INPP5D: variants seen among roughly 807,000 people sequenced by gnomAD.
INPP5D encodes inositol polyphosphate-5-phosphatase D.
In INPP5D, 33 loss-of-function variants were observed where a neutral mutation model predicts 122.9. That is an observed-to-expected ratio of 0.27 (90% CI 0.20 to 0.36). The LOEUF (loss-of-function observed/expected upper bound fraction) is 0.36. Among genes scored for constraint, INPP5D ranks in the 10% least tolerant of loss-of-function variants. The pLI, the probability that INPP5D is intolerant of heterozygous loss-of-function variation, is 1.00. For missense variants in INPP5D, 1,053 were observed against 1,412.7 expected (o/e 0.75, Z 4.08); for synonymous variants, 584 against 576.2 (o/e 1.01, Z -0.19).
At chr2:233,071,820 T>C (rs1691390065) in intron 1 of INPP5D, among the ~76,000 whole-genome samples, 1 of 152,228 alleles carries the variant, frequency 6.6e-6, no homozygotes, top group Non-Finnish European at 1.5e-5. Context: ...TACAGGGAAG[T>C]TTTAGATTTT....
chr2:233,189,106 G>T lies in INPP5D; in HGVS notation c.2359-744G>T, dbSNP rs1490991848. 6.6e-6 allele frequency among the ~76,000 whole-genome samples: 1 copy of T among 152,200 alleles called. No individual in the cohort carries two copies. On this transcript the variant is annotated intron_variant, in intron 21 of 26. Transcript: ENST00000445964. This position sits in a 1 kb window ranked among gnomAD's most constrained non-coding sequence, Gnocchi z 5.6. ...GCGTGTGATGCTCCTCCCTGCACTT[G>T]CCCGGACACAGCCCCCACTGGCCAG...
rs1449035887 is a variant in INPP5D at position 233,082,907 on chromosome 2, G to T, written c.198+3509G>T. On this transcript the variant is annotated intron_variant, in intron 2 of 26. Transcript: ENST00000445964. This position sits in a 1 kb window ranked among gnomAD's most constrained non-coding sequence, Gnocchi z 4.7. ...CAATCCAGAAGGTGTTTCCAAGCCT[G>T]TCTGGAGTCCCCTGGGGAAGGATGA... Among the ~76,000 whole-genome samples the T allele has an allele frequency of 6.6e-6, 1 of 152,254 alleles. No homozygotes were observed. The highest frequency in any genetic ancestry group is 1.5e-5 in the Non-Finnish European group (1 of 68,046).
intron 2 of INPP5D, among the ~76,000 whole-genome samples, chr2:233,091,058 G>A (rs529104722): frequency 1.3e-5 from 2 of 151,834 alleles, no homozygotes; most frequent in East Asian, 1.9e-4. Context: ...CTCCCCTGAC[G>A]AAGGTGCTGG....
chr2:233,199,547 T>C (rs1695277343), intron 25 of INPP5D, among the ~76,000 whole-genome samples: 1 of 122,852 alleles, frequency 8.1e-6, no homozygotes, highest in Non-Finnish European at 1.7e-5. Context: ...AAAAAAAAAA[T>C]GGCCAGGTGC....
chr2:233,198,421 A>G, intron 25 of INPP5D, 45 bp downstream of exon 25: 1 of 1,568,776 alleles, frequency 6.4e-7, no homozygotes, highest in African/African-American at 1.4e-5. Context: ...TCCTTATGAA[A>G]GCGCCCTGGG....
chr2:233,094,301 T>C (rs531818789), intron 2 of INPP5D, among the ~76,000 whole-genome samples: 75 of 151,678 alleles, frequency 4.9e-4, no homozygotes, highest in Non-Finnish European at 9.6e-4. Flanking sequence ...TCACTTGAGG[T>C]CAGGAGTTCG....
chr2:233,076,848 A>C (rs555846704), intron 1 of INPP5D, among the ~76,000 whole-genome samples: 5 of 152,242 alleles, frequency 3.3e-5, no homozygotes, highest in Non-Finnish European at 7.3e-5. Context: ...AAAGATTAAA[A>C]GGTCTGATAA....
chr2:233,144,134 A>C (rs1693686008), intron 6 of INPP5D, among the ~76,000 whole-genome samples: 2 of 142,822 alleles, frequency 1.4e-5, no homozygotes, highest in African/African-American at 5.4e-5. Flanking sequence ...GGTCATGATC[A>C]CGGTGGGTCT....
chr2:233,064,621 A>G (rs2106194111), intron 1 of INPP5D, among the ~76,000 whole-genome samples: 1 of 152,354 alleles, frequency 6.6e-6, no homozygotes, highest in African/African-American at 2.4e-5. Flanking sequence ...AGAGCGGTTT[A>G]TGGAACAGGC....
intron 9 of INPP5D, among the ~76,000 whole-genome samples, chr2:233,148,577 C>G (rs934961407): frequency 1.3e-5 from 2 of 152,128 alleles, no homozygotes; most frequent in African/African-American, 4.8e-5. Context: ...GGGGGGTAGG[C>G]AATGCCCAGT....
intron 2 of INPP5D, among the ~76,000 whole-genome samples, chr2:233,112,985 C>T (rs774024795): frequency 6.6e-5 from 10 of 152,092 alleles, no homozygotes; most frequent in African/African-American, 9.7e-5. Context: ...CTTAAAAGCC[C>T]GAGTTGGCAC....
chr2:233,171,265 G>A, intron 17 of INPP5D, 113 bp downstream of exon 17: 1 of 1,460,168 alleles, frequency 6.8e-7, no homozygotes. Context: ...AAAAAGGAAA[G>A]AAAAAAATTA....
chr2:233,137,905 C>T (rs1351014036), intron 5 of INPP5D, among the ~76,000 whole-genome samples: 1 of 67,084 alleles, frequency 1.5e-5, no homozygotes, highest in African/African-American at 4.6e-5. Context: ...TATACACACA[C>T]ACACACACAT....
At chr2:233,113,132 C>T (rs956755535) in intron 2 of INPP5D, among the ~76,000 whole-genome samples, 80 of 152,158 alleles carry the variant, frequency 5.3e-4, no homozygotes, top group African/African-American at 1.9e-3. Flanking sequence ...AGGGTAATCC[C>T]CTTCTTGGAT....
intron 24 of INPP5D, 24 bp downstream of exon 24, chr2:233,195,519 T>G: frequency 1.2e-6 from 2 of 1,611,468 alleles, no homozygotes; most frequent in South Asian, 2.2e-5. Flanking sequence ...GGGGTGGGTG[T>G]TGGGGGGGGT....
intron 2 of INPP5D, among the ~76,000 whole-genome samples, chr2:233,104,326 C>T (rs1373443558): frequency 6.6e-6 from 1 of 152,118 alleles, no homozygotes; most frequent in Non-Finnish European, 1.5e-5. Context: ...TGTTTGAGTA[C>T]TCAAAAAATA....
chr2:233,156,140 C>T (rs1694047000), intron 9 of INPP5D, among the ~76,000 whole-genome samples: 1 of 152,236 alleles, frequency 6.6e-6, no homozygotes, highest in Non-Finnish European at 1.5e-5. Context: ...GCTGGCTGTG[C>T]CCAAACCAGG....
At chr2:233,094,311 G>A (rs576529435) in intron 2 of INPP5D, among the ~76,000 whole-genome samples, 32 of 151,760 alleles carry the variant, frequency 2.1e-4, no homozygotes, top group African/African-American at 7.2e-4. Flanking sequence ...TCAGGAGTTC[G>A]AGACCAGACT....
rs1242534050 is a variant in INPP5D at position 233,178,238 on chromosome 2, C to A, written c.2071+892C>A. On this transcript the variant is annotated intron_variant, in intron 18 of 26. Transcript: ENST00000445964. ...CTTGAGCCCAGTAGTTCAAAACCAGCCTGGGCAACGTAGACTCCATCTCTG... is the reference window on the plus strand; with the variant it reads ...CTTGAGCCCAGTAGTTCAAAACCAGACTGGGCAACGTAGACTCCATCTCTG... 3.9e-5 allele frequency among the ~76,000 whole-genome samples: 6 copies of A among 152,182 alleles called. No homozygotes were observed. The East Asian group carries it at 1.2e-3, about 29-fold the overall frequency.
Sources: allele counts gnomAD v4.1 joint callset (sites outside exome capture counted in the v4.1 genomes callset), GRCh38; gene constraint gnomAD v4.1.1; non-coding constraint Gnocchi (gnomAD v3.1); transcripts MANE v1.5; gene names NCBI Gene and HGNC (gene_info 2026-07-23, HGNC 2026-07-21).